Variants in SLC24A2 observed in about 807,000 individuals in gnomAD.
The protein encoded by SLC24A2 is sodium/potassium/calcium exchanger 2.
SLC24A2 carries 36 observed loss-of-function variants against 62.0 expected under a neutral mutation model. That is an observed-to-expected ratio of 0.58 (90% CI 0.44 to 0.77). The LOEUF is 0.77. SLC24A2 is among the 30% of genes least tolerant of loss of function. SLC24A2 has a pLI of 0.00. For synonymous variants in SLC24A2, 358 were observed against 294.0 expected (o/e 1.22, Z -2.23); for missense variants, 846 against 817.9 (o/e 1.03, Z -0.42).
chr9:19,830,928 G>C, the SLC24A2 span, among the ~76,000 whole-genome samples: 1 of 152,288 alleles, frequency 6.6e-6, no homozygotes, highest in Non-Finnish European at 1.5e-5. Context: ...GGCATCAGCA[G>C]GGTTGATACC....
At chr9:19,738,740 C>T (rs1182667) in intron 2 of SLC24A2, among the ~76,000 whole-genome samples, 111,310 of 152,106 alleles carry the variant, frequency 0.73, 41,194 homozygotes, top group East Asian at 0.83. Flanking sequence ...CAAACAAATT[C>T]TCAGTAAATC....
chr9:19,985,718 GTTA>G, the SLC24A2 span, among the ~76,000 whole-genome samples: 24 of 152,062 alleles, frequency 1.6e-4, no homozygotes, highest in African/African-American at 5.6e-4. Flanking sequence ...TTTGGTAAAT[GTTA>G]TTATATATGA....
chr9:20,257,488 CACTGGTGTTAGG>C, the SLC24A2 span, among the ~76,000 whole-genome samples: 21,162 of 151,958 alleles, frequency 0.14, 1,587 homozygotes, highest in South Asian at 0.23. Flanking sequence ...AAGGAAAAGG[CACTGGTGTTAGG>C]ACTGGTGTTA....
chr9:20,274,423 A>C, the SLC24A2 span, among the ~76,000 whole-genome samples: 1 of 152,224 alleles, frequency 6.6e-6, no homozygotes, highest in Non-Finnish European at 1.5e-5. Flanking sequence ...AGTTTTGATC[A>C]AAAAAGTGTC....
the SLC24A2 span, among the ~76,000 whole-genome samples, chr9:20,124,053 C>T: frequency 3.3e-5 from 5 of 152,126 alleles, no homozygotes; most frequent in Admixed American, 1.3e-4. Context: ...TTTGTGAATG[C>T]ACTGAAATGA....
At chr9:19,698,343 G>A (rs561172677) in intron 2 of SLC24A2, among the ~76,000 whole-genome samples, 18 of 152,254 alleles carry the variant, frequency 1.2e-4, no homozygotes, top group South Asian at 4.1e-4. Flanking sequence ...TAAACTTGAT[G>A]TTGAGACTTG....
chr9:19,638,034 T>C (rs1818402541), intron 2 of SLC24A2, among the ~76,000 whole-genome samples: 1 of 152,212 alleles, frequency 6.6e-6, no homozygotes, highest in Non-Finnish European at 1.5e-5. Context: ...ATTATTCATT[T>C]AATATTTATA....
chr9:19,659,663 C>A (rs976079516), intron 2 of SLC24A2, among the ~76,000 whole-genome samples: 1 of 152,132 alleles, frequency 6.6e-6, no homozygotes, highest in African/African-American at 2.4e-5. Flanking sequence ...ACGACTAGGG[C>A]TGCAGACTGT....
chr9:20,078,983 C>T, the SLC24A2 span, among the ~76,000 whole-genome samples: 22 of 148,044 alleles, frequency 1.5e-4, no homozygotes, highest in Non-Finnish European at 2.6e-4. Context: ...AAGAAATGTT[C>T]GTATGCTAAC....
At chr9:19,560,774 G>A (rs935980025) in intron 7 of SLC24A2, among the ~76,000 whole-genome samples, 6 of 151,984 alleles carry the variant, frequency 3.9e-5, no homozygotes, top group Non-Finnish European at 8.8e-5. Flanking sequence ...AAATCATTGT[G>A]TTCACTTAGT....
chr9:19,979,632 C>A, the SLC24A2 span, among the ~76,000 whole-genome samples: 1 of 152,110 alleles, frequency 6.6e-6, no homozygotes, highest in Non-Finnish European at 1.5e-5. Context: ...CTACAAATGG[C>A]CTTGCTCTCT....
chr9:19,937,257 A>G, the SLC24A2 span, among the ~76,000 whole-genome samples: 1 of 152,238 alleles, frequency 6.6e-6, no homozygotes, highest in Non-Finnish European at 1.5e-5. Context: ...CTATTAAAAT[A>G]TCAGAATGAA....
chr9:19,615,401 G>C (rs548293476), intron 4 of SLC24A2, among the ~76,000 whole-genome samples: 1 of 152,324 alleles, frequency 6.6e-6, no homozygotes, highest in African/African-American at 2.4e-5. Flanking sequence ...GTTGTTAGAA[G>C]GTGACAGTTT....
the SLC24A2 span, among the ~76,000 whole-genome samples, chr9:20,090,378 C>A: frequency 6.6e-6 from 1 of 152,124 alleles, no homozygotes; most frequent in African/African-American, 2.4e-5. Context: ...TCGTGGGTAG[C>A]CTGGGAGTGC....
rs1334911461 is a variant in SLC24A2, at chr9:19,516,395, G to A, written c.1744C>T (p.Leu582=). The change falls in exon 11 of 11, where the codon CTG becomes TTG. Residue 582 remains leucine, a synonymous_variant. Coordinates refer to ENST00000341998, the MANE Select transcript of SLC24A2 (RefSeq NM_020344.4). ...NIFDITVGLP[L]PWLLYTVIHR... is the part of the protein sequence containing the mutation. ...ATGACGGTGTACAGGAGCCAGGGCA[G>A]TGGGAGCCTGTGCAGAAGTGAAGCA... The A allele has an allele frequency of 3.7e-6, 6 of 1,613,646 alleles. No individual in the cohort carries two copies. The African/African-American group carries it at 4.0e-5, about 11-fold the overall frequency.
chr9:19,542,620 C>G (rs7872399), intron 8 of SLC24A2, among the ~76,000 whole-genome samples: 16,666 of 152,188 alleles, frequency 0.11, 2,983 homozygotes, highest in African/African-American at 0.38. Context: ...TCAGTGCCTA[C>G]TTTATTGAGA....
chr9:20,010,605 G>C, the SLC24A2 span, among the ~76,000 whole-genome samples: 1 of 151,856 alleles, frequency 6.6e-6, no homozygotes. Context: ...AAATTCAATA[G>C]ACATTTTCTT....
the SLC24A2 span, among the ~76,000 whole-genome samples, chr9:19,934,629 T>C: frequency 1.3e-5 from 2 of 152,168 alleles, no homozygotes; most frequent in South Asian, 4.1e-4. The surrounding 1 kb of genome is among the most constrained non-coding windows in gnomAD (Gnocchi z 4.1). Flanking sequence ...TCCTGCCTCA[T>C]TTAAGTGGTA....
the SLC24A2 span, among the ~76,000 whole-genome samples, chr9:20,240,978 A>C: frequency 6.6e-6 from 1 of 152,326 alleles, no homozygotes; most frequent in South Asian, 2.1e-4. Flanking sequence ...TCTTAACTTC[A>C]TAAGAAGATG....
Sources: allele counts gnomAD v4.1 joint callset (sites outside exome capture counted in the v4.1 genomes callset), GRCh38; gene constraint gnomAD v4.1.1; non-coding constraint Gnocchi (gnomAD v3.1); transcripts MANE v1.5; gene names NCBI Gene and HGNC (gene_info 2026-07-23, HGNC 2026-07-21).